The following MMAB variants were observed in gnomAD, a reference collection of about 807,000 sequenced individuals.
The protein encoded by MMAB is metabolism of cobalamin associated B.
Under a neutral mutation model 30.6 loss-of-function variants are expected in MMAB, and 17 were observed. The ratio of observed to expected loss-of-function variants is 0.56; its 90% confidence interval spans 0.38 to 0.83. The LOEUF (loss-of-function observed/expected upper bound fraction) is 0.83. MMAB is among the 40% of genes least tolerant of loss of function. The probability of loss-of-function intolerance (pLI) is 0.00; values close to 1 mark genes in which losing one functional copy is unlikely to be tolerated. For missense variants in MMAB, 311 were observed against 331.6 expected (o/e 0.94, Z 0.48); for synonymous variants, 134 against 138.6 (o/e 0.97, Z 0.23).
intron 3 of MMAB, 55 bp downstream of exon 3, chr12:109,568,715 C>A: frequency 7.6e-7 from 1 of 1,323,322 alleles, no homozygotes; most frequent in Non-Finnish European, 1.1e-6. Flanking sequence ...ACATTCATTA[C>A]GTTTACTCAT....
intron 1 of MMAB, among the ~76,000 whole-genome samples, chr12:109,571,957 G>T (rs1169957710): frequency 1.3e-5 from 2 of 152,202 alleles, no homozygotes; most frequent in Non-Finnish European, 2.9e-5. Flanking sequence ...GCTCAACAAA[G>T]ATGCTCAATA....
Position 109,556,745 on chromosome 12 carries a change from G to T in MMAB, c.*283C>A. 1 of 546,138 alleles carries T rather than the reference G, an allele frequency of 1.8e-6. No individual in the cohort carries two copies. 33.8% of individuals were successfully genotyped at this position (546,138 alleles called of 1,614,324 possible). On this transcript the variant is annotated 3_prime_UTR_variant, in exon 9 of 9. Coordinates refer to ENST00000545712, the MANE Select transcript of MMAB (RefSeq NM_052845.4). ...CTTTTCCGCACAGCTCCTTCTCATT[G>T]CAGCAATCACTTTACCTGTCTTTCC...
chr12:109,562,409 A>ATTTCAG (rs1358224129), intron 4 of MMAB, among the ~76,000 whole-genome samples: 28 of 152,288 alleles, frequency 1.8e-4, no homozygotes, highest in African/African-American at 5.8e-4. Flanking sequence ...TTGAAAGCAA[A>ATTTCAG]CTCTGAACTT....
At position 109,555,275 on chromosome 12, in the gene MMAB, GTTTTTTTTTT is replaced by G. The variant is rs746823302; in HGVS notation, c.*1743_*1752del. On this transcript the variant is annotated 3_prime_UTR_variant, in exon 9 of 9. Coordinates refer to ENST00000545712, the MANE Select transcript of MMAB (RefSeq NM_052845.4). The stretch of plus-strand genomic sequence containing the variant: ...GAGCCTTAGTGATTGCGTTTTCAGG[GTTTTTTTTTT>G]TTTTTTTTTTTTTTTGTGACGGAGT... The G allele has an allele frequency of 1.8e-3, 606 of 343,066 alleles. 7 individuals are homozygous for G. The highest frequency in any genetic ancestry group is 0.017 in the African/African-American group (444 of 26,876). The allele number at this position is 343,066 out of a possible 1,614,324, so 21.3% of individuals were successfully genotyped here.
chr12:109,565,330 C>A (rs1884380151), intron 3 of MMAB, among the ~76,000 whole-genome samples, 154 bp from the exon 4 acceptor site: 1 of 152,188 alleles, frequency 6.6e-6, no homozygotes, highest in South Asian at 2.1e-4. Context: ...ACATTATAGC[C>A]TTCCATTTGG....
At chr12:109,562,166 C>T (rs1884237769) in intron 4 of MMAB, among the ~76,000 whole-genome samples, 1 of 152,154 alleles carries the variant, frequency 6.6e-6, no homozygotes, top group Non-Finnish European at 1.5e-5. Context: ...GCACCTCCCT[C>T]TTCACACTCT....
At chr12:109,557,905 G>A (rs1315550209) in intron 8 of MMAB, among the ~76,000 whole-genome samples, 1 of 152,258 alleles carries the variant, frequency 6.6e-6, no homozygotes, top group African/African-American at 2.4e-5. Context: ...TGCAGGGGCA[G>A]CAGTGGAGGG....
At position 109,561,045 on chromosome 12, in the gene MMAB, C is replaced by T. The variant is rs2136198146; in HGVS notation, c.579G>A (p.Glu193=). 6.2e-6 allele frequency: 10 copies of T among 1,602,864 alleles called. No individual in the cohort carries two copies. The highest frequency in any genetic ancestry group is 8.5e-6 in the Non-Finnish European group (10 of 1,175,302). The change falls in exon 7 of 9, where the codon GAG becomes GAA. Residue 193 remains glutamate (E), a synonymous_variant. Coordinates refer to ENST00000545712, the MANE Select transcript of MMAB (RefSeq NM_052845.4). This position sits in a 1 kb window ranked among gnomAD's most constrained non-coding sequence, Gnocchi z 5.3. ...HFCRAVCRRA[E]RRVVPLVQMG... ...CCTCTCTCCAGCCCTCTTACCGTCT[C>T]TCGGCCCGGCGGCACACGGCCCGGC...
At position 109,556,500 on chromosome 12, in the gene MMAB, A is replaced by G. The variant is rs1256519354; in HGVS notation, c.*528T>C. On this transcript the variant is annotated 3_prime_UTR_variant, in exon 9 of 9. Transcript: ENST00000545712. ...GGTGATGGGTGGCTCAGAGGTGACT[A>G]AACTTCCAAATCTTGTCCGCCTTCC... The G allele has an allele frequency of 2.2e-6, 1 of 453,964 alleles. No individual in the cohort carries two copies. The highest frequency in any genetic ancestry group is 2.0e-5 in the African/African-American group (1 of 49,998). The allele number at this position is 453,964 out of a possible 1,614,324, so 28.1% of individuals were successfully genotyped here. A position where few individuals can be genotyped will look rare whatever the true frequency, so the allele number is the denominator to read the frequency against.
rs1170620183 is a variant in MMAB at position 109,568,852 on chromosome 12, T to C, written c.208A>G (p.Thr70Ala). The C allele has an allele frequency of 2.5e-6, 4 of 1,613,582 alleles. No homozygotes were observed. Among genetic ancestry groups the C allele is most frequent in the Non-Finnish European group, 3.4e-6 (4 of 1,179,502 alleles). Reference protein sequence around the residue: ...TKTGDKGFSSTFTGERRPKDD... With the variant: ...TKTGDKGFSSAFTGERRPKDD... ...TTGGGTCTCCTTTCTCCTGTGAAGG[T>C]ACTAGAAAACCCTGTGGAAAAAAAT... Residue 70 changes from threonine (T) to alanine (A), a missense_variant, in exon 3 of 9, where the codon ACC (threonine) becomes GCC (alanine). Thr to Ala is a moderately conservative substitution (Grantham distance 58). Transcript: ENST00000545712.
Position 109,561,435 on chromosome 12 carries a change from C to T in MMAB, c.504G>A (p.Thr168=), listed in dbSNP as rs1250701215. Residue 168 remains threonine (T), a synonymous_variant, in exon 6 of 9, where the codon ACG becomes ACA. Coordinates refer to ENST00000545712, the MANE Select transcript of MMAB (RefSeq NM_052845.4). The surrounding 1 kb of genome is among the most constrained non-coding windows in gnomAD (Gnocchi z 5.3). ...CAGTACCTACAGGCAGGATGAAGGC[C>T]GTGAGTGGTGGGAGCTGGCTGGTGT... ...DKYTSQLPPL[T]AFILPSGGKI... 4 of 1,550,932 alleles carry T rather than the reference C, an allele frequency of 2.6e-6. No homozygotes were observed. The highest frequency in any genetic ancestry group is 1.4e-5 in the African/African-American group (1 of 73,176).
At chr12:109,564,381 T>G (rs888030955) in intron 4 of MMAB, among the ~76,000 whole-genome samples, 14 of 144,500 alleles carry the variant, frequency 9.7e-5, no homozygotes, top group Non-Finnish European at 1.7e-4. Context: ...AGACAGAGGT[T>G]TTTTTTTTTT....
rs544266115 is a variant in MMAB, at chr12:109,561,576, G to A, written c.422-59C>T. 66 of 1,446,436 alleles carry A rather than the reference G, an allele frequency of 4.6e-5. No homozygotes were observed. Among genetic ancestry groups the A allele is most frequent in the African/African-American group, 5.6e-5 (4 of 71,074 alleles). The allele number at this position is 1,446,436 out of a possible 1,614,324, so 89.6% of individuals were successfully genotyped here. ...AGGCCATCACCCACCAGACCATGGC[G>A]GGAACCACCCCCGCCGCCCTTCCAC... On this transcript the variant is annotated intron_variant, in intron 5 of 8. Coordinates refer to ENST00000545712, the MANE Select transcript of MMAB (RefSeq NM_052845.4). The surrounding 1 kb of genome is among the most constrained non-coding windows in gnomAD (Gnocchi z 5.3).
rs142486697 is a variant in MMAB, at chr12:109,555,940, T to C, written c.*1088A>G. On this transcript the variant is annotated 3_prime_UTR_variant, in exon 9 of 9. Transcript: ENST00000545712. ...ATGCTAAGCAGCCACTCAGTCAATATGTGATGGCTGAATGGAGTTCGCCAG... is the reference window on the plus strand; with the variant it reads ...ATGCTAAGCAGCCACTCAGTCAATACGTGATGGCTGAATGGAGTTCGCCAG... The C allele has an allele frequency of 1.3e-4, 61 of 454,046 alleles. No individual in the cohort carries two copies. Among genetic ancestry groups the C allele is most frequent in the South Asian group, 9.3e-4 (60 of 64,482 alleles). 28.1% of individuals were successfully genotyped at this position (454,046 alleles called of 1,614,324 possible).
intron 7 of MMAB, 28 bp downstream of exon 7, chr12:109,560,998 TCCCTCTCCCTTGGG>T (rs745963361): frequency 5.0e-6 from 3 of 598,690 alleles, no homozygotes; most frequent in South Asian, 4.4e-5. Context: ...CTTGTTCCTC[TCCCTCTCCCTTGGG>T]CCCTCTCCCT....
Position 109,555,004 on chromosome 12 carries a change from C to T in MMAB, c.*2024G>A, listed in dbSNP as rs569920461. 33 of 454,102 alleles carry T rather than the reference C, an allele frequency of 7.3e-5. No homozygotes were observed. In the East Asian group the frequency reaches 7.6e-4, roughly 11 times the overall value. 28.1% of individuals were successfully genotyped at this position (454,102 alleles called of 1,614,324 possible). A position where few individuals can be genotyped will look rare whatever the true frequency, so the allele number is the denominator to read the frequency against. The stretch of plus-strand genomic sequence containing the variant: ...CTGTTAACATCCAGGCTGTGACACC[C>T]GGTCCTGGAAGGACAGGACTTGGCA... On this transcript the variant is annotated 3_prime_UTR_variant, in exon 9 of 9. Transcript: ENST00000545712.
Position 109,556,227 on chromosome 12 carries a change from T to A in MMAB, c.*801A>T. The A allele has an allele frequency of 2.2e-6, 1 of 454,122 alleles. No individual in the cohort carries two copies. Among genetic ancestry groups the A allele is most frequent in the Non-Finnish European group, 4.4e-6 (1 of 226,790 alleles). The allele number at this position is 454,122 out of a possible 1,614,324, so 28.1% of individuals were successfully genotyped here. ...ACATCGGAGAAATCAGTCTGGTGGA[T>A]GTCAGCCTTGCTGGAAACTGACAAC... On this transcript the variant is annotated 3_prime_UTR_variant, in exon 9 of 9. Transcript: ENST00000545712.
At position 109,569,256 on chromosome 12, in the gene MMAB, T is replaced by C. The variant is rs2136208798; in HGVS notation, c.197-393A>G. Among the ~76,000 whole-genome samples the C allele has an allele frequency of 6.6e-6, 1 of 152,328 alleles. No individual in the cohort carries two copies. The highest frequency in any genetic ancestry group is 1.9e-4 in the East Asian group (1 of 5,194). ...GCCACCGTACCACCCCTTAAAGAAC[T>C]TTCAACTTGAAATATAGCATATACA... is the stretch of plus-strand genomic sequence containing the variant. On this transcript the variant is annotated intron_variant, in intron 2 of 8. Coordinates refer to ENST00000545712, the MANE Select transcript of MMAB (RefSeq NM_052845.4). The surrounding 1 kb of genome is among the most constrained non-coding windows in gnomAD (Gnocchi z 4.1).
intron 1 of MMAB, 151 bp downstream of exon 1, chr12:109,573,196 C>T: frequency 1.0e-6 from 1 of 996,652 alleles, no homozygotes; most frequent in Non-Finnish European, 1.5e-6. Flanking sequence ...CTGGCGCCCA[C>T]GTGGCCCACG....
Sources: allele counts gnomAD v4.1 joint callset (sites outside exome capture counted in the v4.1 genomes callset), GRCh38; gene constraint gnomAD v4.1.1; non-coding constraint Gnocchi (gnomAD v3.1); transcripts MANE v1.5; gene names NCBI Gene and HGNC (gene_info 2026-07-23, HGNC 2026-07-21).